PDC: variants seen among roughly 807,000 people sequenced by gnomAD.
The protein encoded by PDC is phosducin, also known as 33 kDa phototransducing protein.
In PDC, 19 loss-of-function variants were observed where a neutral mutation model predicts 22.2. The observed-to-expected ratio is 0.86, with a 90% CI of 0.60 to 1.26. The LOEUF is 1.26. Ranked by LOEUF, PDC falls within the 50% of genes most tolerant of loss-of-function variation. PDC has a pLI of 0.00. For missense variants in PDC, 274 were observed against 286.8 expected (o/e 0.96, Z 0.32); for synonymous variants, 97 against 96.2 (o/e 1.01, Z -0.05).
chr1:186,458,512 G>C (rs989554364), intron 1 of PDC, among the ~76,000 whole-genome samples: 6 of 150,606 alleles, frequency 4.0e-5, no homozygotes, highest in African/African-American at 9.9e-5. Context: ...CATTTCATTA[G>C]AGTCGCCTCA....
At position 186,446,353 on chromosome 1, in the gene PDC, G is replaced by C; in HGVS notation, c.213+73C>G. 3.4e-6 allele frequency: 4 copies of C among 1,175,680 alleles called. No homozygotes were observed. In the South Asian group the frequency reaches 6.8e-5, roughly 20 times the overall value. 72.8% of individuals were successfully genotyped at this position (1,175,680 alleles called of 1,614,324 possible). On this transcript the variant is annotated intron_variant, in intron 3 of 3. Transcript: ENST00000391997. ...TGAATATATTTTGTAATAGTCTAAA[G>C]TGATTCTCTAGATTGATTTAGATTA... is the stretch of plus-strand genomic sequence containing the variant.
intron 1 of PDC, among the ~76,000 whole-genome samples, chr1:186,457,130 T>C (rs1242338366): frequency 6.6e-6 from 1 of 152,166 alleles, no homozygotes; most frequent in Non-Finnish European, 1.5e-5. Flanking sequence ...GCTAATCTGA[T>C]CAACTAAGCT....
chr1:186,448,023 G>T (rs1280820656), intron 2 of PDC, among the ~76,000 whole-genome samples: 1 of 152,100 alleles, frequency 6.6e-6, no homozygotes, highest in African/African-American at 2.4e-5. Flanking sequence ...GTGTTCCATT[G>T]TGTAGATATA....
intron 2 of PDC, among the ~76,000 whole-genome samples, 186 bp from the exon 3 acceptor site, chr1:186,446,763 T>G (rs987772718): frequency 6.6e-6 from 1 of 152,212 alleles, no homozygotes; most frequent in African/African-American, 2.4e-5. Context: ...ACATTAATCT[T>G]GTTAAATGGG....
chr1:186,445,541 G>T (rs553965287), intron 3 of PDC, among the ~76,000 whole-genome samples: 2 of 152,220 alleles, frequency 1.3e-5, no homozygotes, highest in Non-Finnish European at 2.9e-5. Flanking sequence ...GTCCCGGGAT[G>T]GGTATGGGAG....
At chr1:186,460,645 C>T (rs947694718) in intron 1 of PDC, among the ~76,000 whole-genome samples, 1 of 152,164 alleles carries the variant, frequency 6.6e-6, no homozygotes, top group Admixed American at 6.5e-5. Flanking sequence ...TGGAACATAT[C>T]CCCCTTGGAT....
At chr1:186,458,819 C>T (rs1427554857) in intron 1 of PDC, among the ~76,000 whole-genome samples, 1 of 152,162 alleles carries the variant, frequency 6.6e-6, no homozygotes, top group Admixed American at 6.5e-5. Flanking sequence ...AGGGCATACG[C>T]CCCTCTGATC....
chr1:186,446,836 C>T (rs1662241177), intron 2 of PDC, among the ~76,000 whole-genome samples: 1 of 152,036 alleles, frequency 6.6e-6, no homozygotes, highest in African/African-American at 2.4e-5. Flanking sequence ...GCACTTTGAA[C>T]TACTGGCAAA....
rs1662206331 is a variant in PDC at position 186,445,459 on chromosome 1, T to C, written c.214-953A>G. On this transcript the variant is annotated intron_variant, in intron 3 of 3. Coordinates refer to ENST00000391997, the MANE Select transcript of PDC (RefSeq NM_002597.5). Reference sequence around the variant, plus strand: ...TTTCATTACTTCTTTCTTTTGCTTCTGTTTCTTATATTTGTTTCCCTAATG... The same window carrying C: ...TTTCATTACTTCTTTCTTTTGCTTCCGTTTCTTATATTTGTTTCCCTAATG... Among the ~76,000 whole-genome samples, 3 of 152,202 alleles carry C rather than the reference T, an allele frequency of 2.0e-5. No homozygotes were observed. The South Asian group carries it at 6.2e-4, about 31-fold the overall frequency.
chr1:186,458,625 T>A (rs1350700643), intron 1 of PDC, among the ~76,000 whole-genome samples: 1 of 151,438 alleles, frequency 6.6e-6, no homozygotes, highest in East Asian at 1.9e-4. Flanking sequence ...TACTCCTCCC[T>A]TTTTAACTCC....
At chr1:186,450,563 C>T (rs1446639009) in intron 1 of PDC, among the ~76,000 whole-genome samples, 1 of 151,896 alleles carries the variant, frequency 6.6e-6, no homozygotes, top group African/African-American at 2.4e-5. Flanking sequence ...GAACTTCTGG[C>T]CTCAAGTGAT....
Position 186,444,282 on chromosome 1 carries a change from C to A in PDC, c.438G>T (p.Lys146Asn). ...AACTACTGTTTAGAGCATCACAACC[C>A]TTAATACCATCTTCATAAATGTGAA... ...IVVHIYEDGI[K>N]GCDALNSSLT... Residue 146 changes from lysine to asparagine, a missense_variant, in exon 4 of 4, where the codon AAG becomes AAT. Coordinates refer to ENST00000391997, the MANE Select transcript of PDC (RefSeq NM_002597.5). 1 of 1,613,898 alleles carries A rather than the reference C, an allele frequency of 6.2e-7. No homozygotes were observed. Among genetic ancestry groups the A allele is most frequent in the Middle Eastern group, 1.7e-4 (1 of 6,060 alleles).
intron 3 of PDC, among the ~76,000 whole-genome samples, chr1:186,444,760 GC>G (rs1320183821): frequency 6.6e-6 from 1 of 151,894 alleles, no homozygotes. Flanking sequence ...TTTCTTTATA[GC>G]AACAAACACT....
intron 1 of PDC, among the ~76,000 whole-genome samples, chr1:186,460,405 C>T (rs559704057): frequency 9.2e-5 from 14 of 152,254 alleles, no homozygotes; most frequent in African/African-American, 3.1e-4. Context: ...TATTGCAGTG[C>T]TTGTGTTCAA....
chr1:186,445,650 A>C (rs2102127523), intron 3 of PDC, among the ~76,000 whole-genome samples: 1 of 152,094 alleles, frequency 6.6e-6, no homozygotes, highest in African/African-American at 2.4e-5. Flanking sequence ...CCATCTCTAC[A>C]AAAAATGGTG....
chr1:186,453,010 G>A (rs1340968872), intron 1 of PDC, among the ~76,000 whole-genome samples: 1 of 152,172 alleles, frequency 6.6e-6, no homozygotes, highest in African/African-American at 2.4e-5. Context: ...ACAGAATAAT[G>A]TGCATTTAAA....
At chr1:186,452,428 G>A (rs1340399526) in intron 1 of PDC, among the ~76,000 whole-genome samples, 1 of 152,046 alleles carries the variant, frequency 6.6e-6, no homozygotes, top group Non-Finnish European at 1.5e-5. Context: ...AGTAGAGATG[G>A]GGTTTCACCA....
intron 1 of PDC, among the ~76,000 whole-genome samples, chr1:186,460,103 A>T (rs1246438683): frequency 7.2e-5 from 11 of 152,182 alleles, no homozygotes. Flanking sequence ...CCACAACAAC[A>T]TACTACTAAG....
intron 2 of PDC, among the ~76,000 whole-genome samples, chr1:186,448,466 G>A (rs1662282039): frequency 6.6e-6 from 1 of 152,062 alleles, no homozygotes; most frequent in Non-Finnish European, 1.5e-5. Context: ...CAACTGAGTT[G>A]CAAATGTTTT....
Sources: gnomAD v4.1 joint callset for allele counts (sites outside exome capture counted in the v4.1 genomes callset) on GRCh38, gnomAD v4.1.1 for gene constraint, MANE v1.5 for transcripts, NCBI Gene and HGNC (gene_info 2026-07-23, HGNC 2026-07-21) for gene names.